Variants in SYT1 observed in about 807,000 individuals in gnomAD.
SYT1 encodes the protein synaptotagmin-1.
Under a neutral mutation model 44.8 loss-of-function variants are expected in SYT1, and 8 were observed. The ratio of observed to expected loss-of-function variants is 0.18; its 90% CI spans 0.10 to 0.32. The LOEUF (loss-of-function observed/expected upper bound fraction) is 0.32, where lower values mean the gene tolerates loss of function less well. SYT1 is among the 10% of genes least tolerant of loss of function. SYT1 has a pLI of 1.00. For synonymous variants in SYT1, 154 were observed against 188.8 expected (o/e 0.82, Z 1.51); for missense variants, 286 against 509.3 (o/e 0.56, Z 4.22).
intron 9 of SYT1, among the ~76,000 whole-genome samples, chr12:79,364,346 G>C (rs1028589669): frequency 5.3e-5 from 8 of 151,776 alleles, no homozygotes; most frequent in African/African-American, 1.9e-4. Context: ...AGTCATAAAG[G>C]CATTTTCAAG....
chr12:79,028,039 A>G (rs1872633831), intron 2 of SYT1, among the ~76,000 whole-genome samples: 1 of 151,562 alleles, frequency 6.6e-6, no homozygotes, highest in African/African-American at 2.4e-5. Context: ...GAAAAAGAGG[A>G]TATTGAATAT....
chr12:78,873,596 T>C (rs898187048), intron 1 of SYT1, among the ~76,000 whole-genome samples: 4 of 151,728 alleles, frequency 2.6e-5, no homozygotes, highest in Non-Finnish European at 5.9e-5. Flanking sequence ...AGCCACCAAG[T>C]AGGGTGCAAT....
intron 2 of SYT1, among the ~76,000 whole-genome samples, chr12:79,012,578 T>C (rs1013253084): frequency 6.6e-6 from 1 of 152,186 alleles, no homozygotes; most frequent in Non-Finnish European, 1.5e-5. Flanking sequence ...TATTATTTGT[T>C]ATTGTGGTGC....
intron 4 of SYT1, among the ~76,000 whole-genome samples, chr12:79,225,008 C>G (rs969293810): frequency 6.6e-6 from 1 of 151,430 alleles, no homozygotes; most frequent in African/African-American, 2.4e-5. Flanking sequence ...CTCGAACTCC[C>G]GACCTCAGGT....
chr12:78,908,244 A>G (rs191936277), intron 1 of SYT1, among the ~76,000 whole-genome samples: 5 of 152,076 alleles, frequency 3.3e-5, no homozygotes, highest in East Asian at 3.9e-4. Flanking sequence ...CCACAATTCC[A>G]TGAAAATCCT....
intron 9 of SYT1, among the ~76,000 whole-genome samples, chr12:79,375,763 G>A (rs1883968638): frequency 1.3e-5 from 2 of 151,892 alleles, no homozygotes; most frequent in Admixed American, 1.3e-4. Context: ...TTTGACTGAT[G>A]CCCCCTCTAG....
intron 2 of SYT1, among the ~76,000 whole-genome samples, chr12:79,039,900 A>G (rs1873418935): frequency 7.0e-6 from 1 of 143,022 alleles, no homozygotes; most frequent in South Asian, 2.3e-4. Flanking sequence ...GTGATAGTTT[A>G]CTGAGAATGA....
chr12:79,123,233 G>A (rs1380608434), intron 3 of SYT1, among the ~76,000 whole-genome samples: 2 of 151,816 alleles, frequency 1.3e-5, no homozygotes, highest in Admixed American at 6.6e-5. Flanking sequence ...TTTAAGTTGG[G>A]TGCCTCAGCA....
chr12:79,018,260 C>A (rs1871941935), intron 2 of SYT1, among the ~76,000 whole-genome samples: 1 of 149,684 alleles, frequency 6.7e-6, no homozygotes, highest in African/African-American at 2.5e-5. Flanking sequence ...AACCAAACAC[C>A]ACATGTTCTC....
Position 79,179,456 on chromosome 12 carries a change from A to ATCTATATATAT in SYT1, c.-17-38047_-17-38046insTCTATATATAT, listed in dbSNP as rs10643941. Among the ~76,000 whole-genome samples the ATCTATATATAT allele has an allele frequency of 5.9e-3, 514 of 86,392 alleles. 7 individuals carry two copies. The highest frequency in any genetic ancestry group is 0.023 in the Middle Eastern group (2 of 86). The allele number at this position is 86,392 out of a possible 152,430, so 56.7% of individuals were successfully genotyped here. On this transcript the variant is annotated intron_variant, in intron 3 of 10. Transcript: ENST00000261205. Reference sequence around the variant, plus strand: ...GATATATCCATATAGATATAGATATAATCTATATAGATATAGATATAGAGA... The same window carrying ATCTATATATAT: ...GATATATCCATATAGATATAGATATATCTATATATATATCTATATAGATATAGATATAGAGA...
intron 9 of SYT1, among the ~76,000 whole-genome samples, chr12:79,356,120 G>C (rs963202997): frequency 2.0e-5 from 3 of 151,542 alleles, no homozygotes; most frequent in African/African-American, 7.3e-5. Flanking sequence ...GCGTCTGGGA[G>C]AGAGAACAAC....
At chr12:78,977,551 G>A (rs1233736627) in intron 1 of SYT1, 1 of 152,174 alleles carries the variant, frequency 6.6e-6, no homozygotes, top group Non-Finnish European at 1.5e-5. Flanking sequence ...ATATGAAAAA[G>A]TTGCTCTTTT....
chr12:79,212,615 G>T (rs567894621), intron 3 of SYT1, among the ~76,000 whole-genome samples: 2 of 151,246 alleles, frequency 1.3e-5, no homozygotes, highest in South Asian at 2.1e-4. Flanking sequence ...ATTTTTCTTG[G>T]TATATTTCAG....
intron 3 of SYT1, among the ~76,000 whole-genome samples, chr12:79,205,407 A>G (rs1874061964): frequency 6.6e-6 from 1 of 152,220 alleles, no homozygotes. Flanking sequence ...AAAATTCTAC[A>G]TTATTCAGTG....
At chr12:79,020,096 C>T (rs1210107074) in intron 2 of SYT1, among the ~76,000 whole-genome samples, 2 of 151,978 alleles carry the variant, frequency 1.3e-5, no homozygotes, top group East Asian at 1.9e-4. Context: ...GTCTTTTTCC[C>T]TGATCTCTGT....
intron 6 of SYT1, among the ~76,000 whole-genome samples, chr12:79,295,094 G>T (rs932091421): frequency 6.6e-6 from 1 of 151,988 alleles, no homozygotes; most frequent in Admixed American, 6.6e-5. Flanking sequence ...AGATTTTTCA[G>T]GCTGAGATGT....
chr12:79,160,112 T>C (rs1870857626), intron 3 of SYT1, among the ~76,000 whole-genome samples: 1 of 152,132 alleles, frequency 6.6e-6, no homozygotes, highest in Non-Finnish European at 1.5e-5. Context: ...AATAGAACTA[T>C]TAGGCTTTGT....
At chr12:79,247,816 G>A (rs911252136) in intron 4 of SYT1, among the ~76,000 whole-genome samples, 2 of 152,146 alleles carry the variant, frequency 1.3e-5, no homozygotes, top group African/African-American at 4.8e-5. Flanking sequence ...AGCTTCCAGA[G>A]CAGTATTTCA....
Position 78,891,369 on chromosome 12 carries a change from G to A in SYT1, c.-217+26260G>A, listed in dbSNP as rs554688314. 7.7e-4 allele frequency among the ~76,000 whole-genome samples: 117 copies of A among 152,010 alleles called. 1 individual carries two copies. Among genetic ancestry groups the A allele is most frequent in the African/African-American group, 2.6e-3 (110 of 41,532 alleles). On this transcript the variant is annotated intron_variant, in intron 1 of 10. Coordinates refer to ENST00000261205, the MANE Select transcript of SYT1 (RefSeq NM_005639.3). ...CGATTTGGTTAGGAATAGGAAACTA[G>A]TAAATTGCTAAACTGAGCATTAAAC...
Sources: gnomAD v4.1 joint callset for allele counts (sites outside exome capture counted in the v4.1 genomes callset) on GRCh38, gnomAD v4.1.1 for gene constraint, MANE v1.5 for transcripts, NCBI Gene and HGNC (gene_info 2026-07-23, HGNC 2026-07-21) for gene names.